PIBF1: variants seen among roughly 807,000 people sequenced by gnomAD.
PIBF1 encodes the protein progesterone-induced-blocking factor 1.
PIBF1 carries 90 observed loss-of-function variants against 112.5 expected under a neutral mutation model. The ratio of observed to expected loss-of-function variants is 0.80; its 90% CI spans 0.67 to 0.95. The LOEUF (loss-of-function observed/expected upper bound fraction) is 0.95. Among genes scored for constraint, PIBF1 ranks in the 40% least tolerant of loss-of-function variants. The probability of loss-of-function intolerance (pLI) is 0.00; values close to 1 mark genes in which losing one functional copy is unlikely to be tolerated. For synonymous variants in PIBF1, 301 were observed against 288.6 expected (o/e 1.04, Z -0.44); for missense variants, 915 against 852.3 (o/e 1.07, Z -0.92).
rs76387589 is a variant in PIBF1, at chr13:72,874,735, A to G, written c.1323-19049A>G. Among the ~76,000 whole-genome samples, 247 of 152,340 alleles carry G rather than the reference A, an allele frequency of 1.6e-3. 1 individual carries two copies. Among genetic ancestry groups the G allele is most frequent in the African/African-American group, 5.6e-3 (233 of 41,580 alleles). ...AATTTTGTAGGTAAATTATGCTCCAATAAAACTGGTTTTTTAAATGGCTTA... is the reference window on the plus strand; with the variant it reads ...AATTTTGTAGGTAAATTATGCTCCAGTAAAACTGGTTTTTTAAATGGCTTA... On this transcript the variant is annotated intron_variant, in intron 10 of 17. Coordinates refer to ENST00000326291, the MANE Select transcript of PIBF1 (RefSeq NM_006346.4).
intron 16 of PIBF1, among the ~76,000 whole-genome samples, chr13:72,976,642 T>C (rs1230553594): frequency 6.6e-6 from 1 of 152,212 alleles, no homozygotes; most frequent in Non-Finnish European, 1.5e-5. Context: ...AATCATTTTC[T>C]AAGAAACCAT....
chr13:72,965,029 T>C (rs1489161950), intron 14 of PIBF1, among the ~76,000 whole-genome samples: 1 of 152,176 alleles, frequency 6.6e-6, no homozygotes, highest in Non-Finnish European at 1.5e-5. Flanking sequence ...GCCACTGCAC[T>C]CTAGCCTGGG....
chr13:72,858,356 A>G (rs565190587), intron 10 of PIBF1, among the ~76,000 whole-genome samples: 1 of 152,300 alleles, frequency 6.6e-6, no homozygotes, highest in African/African-American at 2.4e-5. Flanking sequence ...CCAGCCATAC[A>G]TTGCTCTTGA....
At chr13:72,836,276 A>G (rs988984984) in intron 9 of PIBF1, among the ~76,000 whole-genome samples, 12 of 152,132 alleles carry the variant, frequency 7.9e-5, no homozygotes. Flanking sequence ...GAAAGTTTAT[A>G]TTTTAATGAG....
chr13:72,987,005 TG>T (rs1482204659), intron 16 of PIBF1, among the ~76,000 whole-genome samples: 2 of 152,170 alleles, frequency 1.3e-5, no homozygotes, highest in Non-Finnish European at 2.9e-5. Context: ...TCATCTTAAA[TG>T]TATTAGAATA....
intron 17 of PIBF1, among the ~76,000 whole-genome samples, chr13:73,014,028 T>C (rs997683799): frequency 1.3e-5 from 2 of 151,388 alleles, no homozygotes; most frequent in Non-Finnish European, 2.9e-5. Flanking sequence ...CACTGTTGAA[T>C]CCCTTCCCTT....
At chr13:72,847,773 A>G (rs1594041573) in intron 9 of PIBF1, among the ~76,000 whole-genome samples, 2 of 152,224 alleles carry the variant, frequency 1.3e-5, no homozygotes, top group East Asian at 1.9e-4. Context: ...CTTTTCAGTC[A>G]TCTATGATAA....
chr13:72,842,611 G>T (rs931553129), intron 9 of PIBF1, among the ~76,000 whole-genome samples: 4 of 152,140 alleles, frequency 2.6e-5, no homozygotes, highest in African/African-American at 9.7e-5. Context: ...TATATGTATT[G>T]TATTACAATG....
At chr13:72,782,672 C>T (rs1490839176) in intron 1 of PIBF1, among the ~76,000 whole-genome samples, 2 of 152,220 alleles carry the variant, frequency 1.3e-5, no homozygotes, top group Non-Finnish European at 2.9e-5. Flanking sequence ...TGCTAACATT[C>T]TTATGAGAGA....
At chr13:72,901,869 A>G (rs2040500889) in intron 11 of PIBF1, among the ~76,000 whole-genome samples, 2 of 152,148 alleles carry the variant, frequency 1.3e-5, no homozygotes, top group East Asian at 1.9e-4. Flanking sequence ...CATCTACCCA[A>G]AGGAAAATAA....
intron 10 of PIBF1, chr13:72,881,200 T>G (rs900128489): frequency 2.6e-5 from 4 of 152,006 alleles, no homozygotes; most frequent in Non-Finnish European, 4.4e-5. Flanking sequence ...ATATATGTGC[T>G]GCTGAAATGA....
chr13:72,827,621 A>G, intron 7 of PIBF1, 112 bp from the exon 8 acceptor site: 1 of 628,334 alleles, frequency 1.6e-6, no homozygotes. Flanking sequence ...CCTTTTTAAA[A>G]GGAAAATTTT....
chr13:72,818,599 C>T, intron 5 of PIBF1, among the ~76,000 whole-genome samples: 1 of 151,040 alleles, frequency 6.6e-6, no homozygotes, highest in Admixed American at 6.6e-5. Context: ...ACAGAATTTC[C>T]AATCCATATA....
At chr13:72,906,261 T>C (rs1310907338) in intron 11 of PIBF1, among the ~76,000 whole-genome samples, 2 of 152,158 alleles carry the variant, frequency 1.3e-5, no homozygotes, top group Non-Finnish European at 2.9e-5. Context: ...CCCAGAAGCG[T>C]TGGCTTTATA....
chr13:72,928,006 CATATAT>C (rs34525341), intron 13 of PIBF1, among the ~76,000 whole-genome samples: 5 of 101,812 alleles, frequency 4.9e-5, no homozygotes, highest in Admixed American at 1.9e-4. Context: ...CATATATATA[CATATAT>C]ATACATATAT....
rs181596575 is a variant in PIBF1, at chr13:72,926,189, G to A, written c.1731-4976G>A. ...ATGTGGCTTGCATTATATTTCCATT[G>A]GACAAAGCTGACCTAGACCAGTGGT... On this transcript the variant is annotated intron_variant, in intron 13 of 17. Transcript: ENST00000326291. 3.6e-3 allele frequency among the ~76,000 whole-genome samples: 554 copies of A among 152,090 alleles called. 2 individuals are homozygous for A. The highest frequency in any genetic ancestry group is 6.0e-3 in the Non-Finnish European group (409 of 67,960).
rs544280008 is a variant in PIBF1 at position 72,984,463 on chromosome 13, T to A, written c.2049+10788T>A. ...GCTTTTTACCCAAAATACATACTTT[T>A]CAGTAAATAATAAGTGTGTTTAATA... On this transcript the variant is annotated intron_variant, in intron 16 of 17. Coordinates refer to ENST00000326291, the MANE Select transcript of PIBF1 (RefSeq NM_006346.4). 1.8e-4 allele frequency among the ~76,000 whole-genome samples: 28 copies of A among 152,332 alleles called. No individual in the cohort carries two copies. The South Asian group carries it at 5.0e-3, about 27-fold the overall frequency.
At chr13:72,991,260 A>T (rs1365479319) in intron 16 of PIBF1, among the ~76,000 whole-genome samples, 1 of 149,824 alleles carries the variant, frequency 6.7e-6, no homozygotes, top group Non-Finnish European at 1.5e-5. Flanking sequence ...TATCTCTCTC[A>T]TAGAGATTGT....
chr13:72,989,972 G>A lies in PIBF1; in HGVS notation c.2050-8850G>A, dbSNP rs141657359. 6.9e-3 allele frequency among the ~76,000 whole-genome samples: 1,052 copies of A among 152,192 alleles called. 15 individuals carry two copies. Among genetic ancestry groups the A allele is most frequent in the African/African-American group, 0.024 (1,015 of 41,524 alleles). ...CTCATGCCTGTAATCTCAGCACTTT[G>A]GGAGGCTGACACAGGTGGATCACTT... On this transcript the variant is annotated intron_variant, in intron 16 of 17. Coordinates refer to ENST00000326291, the MANE Select transcript of PIBF1 (RefSeq NM_006346.4).
Sources: gnomAD v4.1 joint callset for allele counts (sites outside exome capture counted in the v4.1 genomes callset) on GRCh38, gnomAD v4.1.1 for gene constraint, MANE v1.5 for transcripts, NCBI Gene and HGNC (gene_info 2026-07-23, HGNC 2026-07-21) for gene names.